APBB2: variants seen among roughly 807,000 people sequenced by gnomAD.
The protein encoded by APBB2 is Fe65-like 1.
APBB2 carries 38 observed loss-of-function variants against 82.5 expected under a neutral mutation model. The observed-to-expected ratio is 0.46, with a 90% CI of 0.36 to 0.60. APBB2 has a LOEUF of 0.60. Among genes scored for constraint, APBB2 ranks in the 20% least tolerant of loss-of-function variants. APBB2 has a pLI of 0.00. For synonymous variants in APBB2, 341 were observed against 368.2 expected (o/e 0.93, Z 0.85); for missense variants, 772 against 972.3 (o/e 0.79, Z 2.74).
chr4:40,835,987 T>C (rs1341336091), intron 12 of APBB2, among the ~76,000 whole-genome samples: 2 of 152,044 alleles, frequency 1.3e-5, no homozygotes, highest in African/African-American at 4.8e-5. Flanking sequence ...GAAGGAGGGC[T>C]GGTTTGGTGC....
At chr4:40,867,031 C>A (rs1166972673) in intron 12 of APBB2, among the ~76,000 whole-genome samples, 2 of 152,214 alleles carry the variant, frequency 1.3e-5, no homozygotes, top group Non-Finnish European at 2.9e-5. Flanking sequence ...GTTGAGATTA[C>A]AGGCATGAGC....
At chr4:41,038,790 T>G (rs1014803640) in intron 4 of APBB2, among the ~76,000 whole-genome samples, 99 of 152,076 alleles carry the variant, frequency 6.5e-4, no homozygotes, top group African/African-American at 2.4e-3. Context: ...TCTGAACACA[T>G]AAATTCCAGA....
rs114541538 is a variant in APBB2 at position 41,094,780 on chromosome 4, G to A, written c.-149+5859C>T. Reference sequence around the variant, plus strand: ...GGGTTTCGCTATGTTGGCTAGGCTGGACTCGAACTCCTAACCTCAAGTGAC... The same window carrying A: ...GGGTTTCGCTATGTTGGCTAGGCTGAACTCGAACTCCTAACCTCAAGTGAC... On this transcript the variant is annotated intron_variant, in intron 3 of 17. Transcript: ENST00000508593. Among the ~76,000 whole-genome samples, 1,110 of 152,214 alleles carry A rather than the reference G, an allele frequency of 7.3e-3. 6 individuals are homozygous for A. Among genetic ancestry groups the A allele is most frequent in the Middle Eastern group, 0.017 (5 of 294 alleles).
At chr4:41,029,870 G>A (rs1295944666) in intron 5 of APBB2, among the ~76,000 whole-genome samples, 1 of 152,076 alleles carries the variant, frequency 6.6e-6, no homozygotes, top group African/African-American at 2.4e-5. Context: ...ACAAAAAGAA[G>A]AGCTGGCTGG....
chr4:40,832,013 T>TATACACACACAC lies in APBB2; in HGVS notation c.1530-1437_1530-1436insGTGTGTGTGTAT, dbSNP rs777910826. ...ACACATATTTATATATTTATTTATATACACACACACACACACACACACACA... is the reference window on the plus strand; with the variant it reads ...ACACATATTTATATATTTATTTATATATACACACACACACACACACACACACACACACACACA... On this transcript the variant is annotated intron_variant, in intron 12 of 17. Transcript: ENST00000508593. This position sits in a 1 kb window ranked among gnomAD's most constrained non-coding sequence, Gnocchi z 4.8. 0.046 allele frequency among the ~76,000 whole-genome samples: 6,392 copies of TATACACACACAC among 138,840 alleles called. 193 individuals are homozygous for TATACACACACAC. Among genetic ancestry groups the TATACACACACAC allele is most frequent in the Middle Eastern group, 0.069 (19 of 276 alleles). The allele number at this position is 138,840 out of a possible 152,430, so 91.1% of individuals were successfully genotyped here.
chr4:40,898,809 A>G (rs1774418639), intron 10 of APBB2, among the ~76,000 whole-genome samples: 1 of 150,212 alleles, frequency 6.7e-6, no homozygotes, highest in Non-Finnish European at 1.5e-5. Context: ...ACAGAGTGAG[A>G]CTCCATCTCA....
intron 2 of APBB2, among the ~76,000 whole-genome samples, chr4:41,109,119 G>A (rs1264409572): frequency 6.6e-6 from 1 of 152,082 alleles, no homozygotes; most frequent in Non-Finnish European, 1.5e-5. Context: ...AAGCACTACA[G>A]GTCCCGCACC....
chr4:41,196,597 T>C, intron 1 of APBB2, among the ~76,000 whole-genome samples: 3 of 138,322 alleles, frequency 2.2e-5, no homozygotes, highest in African/African-American at 8.0e-5. Context: ...AAAAGCCCCC[T>C]GCTTTTTTTT....
At chr4:41,103,489 AAC>A (rs1168998405) in intron 2 of APBB2, among the ~76,000 whole-genome samples, 2 of 152,274 alleles carry the variant, frequency 1.3e-5, no homozygotes, top group Non-Finnish European at 2.9e-5. Flanking sequence ...TAATTTTTAA[AAC>A]ACAATACTCA....
intron 12 of APBB2, among the ~76,000 whole-genome samples, chr4:40,862,301 T>C (rs561620828): frequency 2.0e-5 from 3 of 152,348 alleles, no homozygotes; most frequent in African/African-American, 7.2e-5. Flanking sequence ...CTAAAATACA[T>C]AGATATGAAT....
At position 40,827,235 on chromosome 4, in the gene APBB2, T is replaced by A; in HGVS notation, c.1645-16A>T. ...CAGCCATAATCTAAGGGGGAAAAAG[T>A]GCAGCTTTGGAGCGTGGGTTCAAGC... On this transcript the variant is annotated splice_polypyrimidine_tract_variant and intron_variant, in intron 13 of 17. Coordinates refer to ENST00000508593, the MANE Select transcript of APBB2 (RefSeq NM_004307.2). The A allele has an allele frequency of 3.1e-6, 5 of 1,613,456 alleles. No homozygotes were observed. Among genetic ancestry groups the A allele is most frequent in the Non-Finnish European group, 4.2e-6 (5 of 1,179,412 alleles).
intron 2 of APBB2, among the ~76,000 whole-genome samples, chr4:41,103,519 A>T (rs1746149924): frequency 2.0e-5 from 3 of 152,168 alleles, no homozygotes; most frequent in South Asian, 4.1e-4. Flanking sequence ...ATAGTTTTTT[A>T]AAATCTGTAG....
chr4:40,878,872 G>A lies in APBB2; in HGVS notation c.1529+11492C>T, dbSNP rs117620805. ...GCCCCACGTCTGATCTGGCATTTCC[G>A]TCCTCTGGCTGCCATGACCGCGCCT... On this transcript the variant is annotated intron_variant, in intron 12 of 17. Coordinates refer to ENST00000508593, the MANE Select transcript of APBB2 (RefSeq NM_004307.2). Among the ~76,000 whole-genome samples the A allele has an allele frequency of 4.6e-5, 7 of 152,028 alleles. No individual in the cohort carries two copies. The East Asian group carries it at 7.7e-4, about 17-fold the overall frequency.
chr4:41,152,431 T>C (rs1228468276), intron 1 of APBB2, among the ~76,000 whole-genome samples: 1 of 152,038 alleles, frequency 6.6e-6, no homozygotes, highest in Non-Finnish European at 1.5e-5. Flanking sequence ...CACACCATTC[T>C]CCTGCCTCAG....
intron 12 of APBB2, chr4:40,881,116 C>G (rs1032243952): frequency 2.0e-6 from 2 of 985,232 alleles, no homozygotes; most frequent in Non-Finnish European, 1.2e-6. Flanking sequence ...TAAAATAGAA[C>G]CACAGTGTAA....
At chr4:40,819,843 C>T (rs749355590) in intron 17 of APBB2, among the ~76,000 whole-genome samples, 6 of 152,106 alleles carry the variant, frequency 3.9e-5, no homozygotes, top group Non-Finnish European at 5.9e-5. Flanking sequence ...GACAGGGTCT[C>T]GCTCTGTCAC....
rs114241922 is a variant in APBB2 at position 41,019,792 on chromosome 4, G to A, written c.20-5394C>T. ...AAGGAGGTGGCAGTCTTCCACTGCC[G>A]AAGCCATCAAAAAGGGGAAGGAGAG... On this transcript the variant is annotated intron_variant, in intron 5 of 17. Transcript: ENST00000508593. Among the ~76,000 whole-genome samples, 1,008 of 152,224 alleles carry A rather than the reference G, an allele frequency of 6.6e-3. 16 individuals carry two copies. Among genetic ancestry groups the A allele is most frequent in the African/African-American group, 0.022 (893 of 41,522 alleles).
rs1717759631 is a variant in APBB2, at chr4:41,033,294, T to C, written c.-40A>G. ...CAGCAATGGTGCAGGAAATAGGTTATAATTTGAAATCTAAAAAGAAGGGAT... is the reference window on the plus strand; with the variant it reads ...CAGCAATGGTGCAGGAAATAGGTTACAATTTGAAATCTAAAAAGAAGGGAT... On this transcript the variant is annotated 5_prime_UTR_variant, in exon 5 of 18. Transcript: ENST00000508593. The C allele has an allele frequency of 6.3e-7, 1 of 1,577,098 alleles. No individual in the cohort carries two copies. The highest frequency in any genetic ancestry group is 8.6e-7 in the Non-Finnish European group (1 of 1,160,990).
At chr4:40,977,337 C>T (rs1205382290) in intron 6 of APBB2, among the ~76,000 whole-genome samples, 10 of 144,726 alleles carry the variant, frequency 6.9e-5, no homozygotes, top group African/African-American at 2.0e-4. Flanking sequence ...TTTTTTAAGA[C>T]GGAGTTTTGC....
Sources: allele counts gnomAD v4.1 joint callset (sites outside exome capture counted in the v4.1 genomes callset), GRCh38; gene constraint gnomAD v4.1.1; non-coding constraint Gnocchi (gnomAD v3.1); transcripts MANE v1.5; gene names NCBI Gene and HGNC (gene_info 2026-07-23, HGNC 2026-07-21).